Variants in EPS15 observed in about 807,000 individuals in gnomAD.
EPS15 encodes epidermal growth factor receptor substrate 15.
A neutral mutation model predicts 113.8 loss-of-function variants in EPS15; 72 were observed. The observed-to-expected ratio is 0.63, with a 90% CI of 0.52 to 0.77. The LOEUF (loss-of-function observed/expected upper bound fraction) is 0.77, where lower values mean the gene tolerates loss of function less well. Ranked by LOEUF, EPS15 falls within the 30% of genes least tolerant of loss-of-function variation. The pLI, the probability that EPS15 is intolerant of heterozygous loss-of-function variation, is 0.00. For missense variants in EPS15, 1,048 were observed against 1,045.8 expected, an observed-to-expected ratio of 1.00 and a Z score of -0.03; for synonymous variants, 344 against 363.4, an observed-to-expected ratio of 0.95 and a Z score of 0.61.
At chr1:51,366,071 C>T (rs1229595327) in intron 21 of EPS15, 42 bp from the exon 22 acceptor site, 1 of 1,397,326 alleles carries the variant, frequency 7.2e-7, no homozygotes. Context: ...GACAGTAAGA[C>T]ATTTTTTTTT....
In EPS15 at chr1:51,369,657, A is replaced by T. The variant is rs567342741; in HGVS notation, c.2120-3628T>A. Among the ~76,000 whole-genome samples the T allele has an allele frequency of 2.0e-5, 3 of 152,300 alleles. No homozygotes were observed. In the South Asian group the frequency reaches 6.2e-4, roughly 32 times the overall value. On this transcript the variant is annotated intron_variant, in intron 21 of 24. Coordinates refer to ENST00000371733, the MANE Select transcript of EPS15 (RefSeq NM_001981.3). ...CTGGTATTTTTTTCTTACATATTTG[A>T]GATCATGCTATGCTGATACGGTTTT...
chr1:51,400,734 A>C (rs1330115668), intron 19 of EPS15, among the ~76,000 whole-genome samples, 184 bp downstream of exon 19: 2 of 143,450 alleles, frequency 1.4e-5, no homozygotes, highest in East Asian at 3.9e-4. Flanking sequence ...AAAAAAAAAA[A>C]AGAAGAAGTA....
Position 51,517,923 on chromosome 1 carries a change from C to T in EPS15, c.33+1276G>A, listed in dbSNP as rs533585781. ...CAGTGCTAGGCAAAGCACCCCAAAG[C>T]CTCTTGATTTTAAACACAGAAAACT... is the stretch of plus-strand genomic sequence containing the variant. On this transcript the variant is annotated intron_variant, in intron 1 of 24. Transcript: ENST00000371733. Among the ~76,000 whole-genome samples the T allele has an allele frequency of 5.0e-4, 76 of 152,264 alleles. 1 individual carries two copies. In the South Asian group the frequency reaches 9.7e-3, roughly 20 times the overall value.
At position 51,408,406 on chromosome 1, in the gene EPS15, T is replaced by C. The variant is rs1649344508; in HGVS notation, c.1276-74A>G. 6.4e-5 allele frequency: 68 copies of C among 1,070,112 alleles called. No homozygotes were observed. The South Asian group carries it at 8.4e-4, about 13-fold the overall frequency. 66.3% of individuals were successfully genotyped at this position (1,070,112 alleles called of 1,614,324 possible). ...GTCATTAAAATGTTCCAAAATGCAA[T>C]ACATTTATTTGTTTAGTTTACTATT... On this transcript the variant is annotated intron_variant, in intron 14 of 24. Transcript: ENST00000371733.
intron 1 of EPS15, among the ~76,000 whole-genome samples, chr1:51,485,467 C>T (rs796491550): frequency 6.6e-6 from 1 of 152,048 alleles, no homozygotes; most frequent in South Asian, 2.1e-4. Context: ...ATGGCGCACA[C>T]CTGTAGTCCC....
chr1:51,463,613 C>A, intron 7 of EPS15, 60 bp downstream of exon 7: 1 of 941,920 alleles, frequency 1.1e-6, no homozygotes, highest in East Asian at 2.6e-5. Context: ...ATGCTCCTGG[C>A]ATAATAGATA....
intron 15 of EPS15, among the ~76,000 whole-genome samples, chr1:51,407,194 T>C (rs920928786): frequency 4.6e-5 from 7 of 152,102 alleles, no homozygotes; most frequent in Non-Finnish European, 1.0e-4. Context: ...TTCTATCCTT[T>C]TTTTTTTAGT....
At chr1:51,434,968 G>A (rs1184815634) in intron 12 of EPS15, among the ~76,000 whole-genome samples, 1 of 151,870 alleles carries the variant, frequency 6.6e-6, no homozygotes, top group African/African-American at 2.4e-5. Context: ...CACTGTGCCT[G>A]GCCATGTGAA....
chr1:51,401,450 A>G (rs1648541428), intron 18 of EPS15, among the ~76,000 whole-genome samples: 2 of 152,314 alleles, frequency 1.3e-5, no homozygotes, highest in South Asian at 4.1e-4. Context: ...CTCGACCTCT[A>G]TCTCACATCA....
intron 24 of EPS15, among the ~76,000 whole-genome samples, chr1:51,360,577 C>T (rs1646360417): frequency 6.6e-6 from 1 of 152,064 alleles, no homozygotes; most frequent in South Asian, 2.1e-4. Context: ...TAGGGCCCTC[C>T]AAATAAAGAT....
Position 51,470,478 on chromosome 1 carries a change from C to T in EPS15, c.213+1212G>A, listed in dbSNP as rs192141577. 2.1e-3 allele frequency among the ~76,000 whole-genome samples: 313 copies of T among 151,958 alleles called. 3 individuals are homozygous for T. Among genetic ancestry groups the T allele is most frequent in the African/African-American group, 7.3e-3 (303 of 41,480 alleles). ...TGGCCAATATAGTGAAACCCCATCT[C>T]TACTAAAAATACAAAAAAACTAGCC... On this transcript the variant is annotated intron_variant, in intron 4 of 24. Transcript: ENST00000371733.
At chr1:51,384,197 G>C (rs1647004212) in intron 21 of EPS15, among the ~76,000 whole-genome samples, 1 of 151,544 alleles carries the variant, frequency 6.6e-6, no homozygotes, top group African/African-American at 2.4e-5. Context: ...AAATCCTAAT[G>C]ACTTTTTCTT....
chr1:51,487,756 A>G (rs942462716), intron 1 of EPS15, among the ~76,000 whole-genome samples: 3 of 152,218 alleles, frequency 2.0e-5, no homozygotes, highest in East Asian at 1.9e-4. Flanking sequence ...TTAGCTCACC[A>G]AAGTGTTCTA....
At position 51,406,026 on chromosome 1, in the gene EPS15, A is replaced by G; in HGVS notation, c.1556T>C (p.Leu519Pro). The G allele has an allele frequency of 6.2e-7, 1 of 1,614,194 alleles. No homozygotes were observed. Among genetic ancestry groups the G allele is most frequent in the Admixed American group, 1.7e-5 (1 of 60,024 alleles). The change falls in exon 16 of 25, where the codon CTT becomes CCT. Residue 519 changes from leucine to proline, a missense_variant. Transcript: ENST00000371733. Reference protein sequence around the residue: ...LNWCSSPHSILVNGATDYCSL... With the variant: ...LNWCSSPHSIPVNGATDYCSL... ...GCAATAATCTGTAGCTCCGTTTACAAGAATGCTGTGTGGGCTACTGCACCA... is the reference window on the plus strand; with the variant it reads ...GCAATAATCTGTAGCTCCGTTTACAGGAATGCTGTGTGGGCTACTGCACCA...
intron 1 of EPS15, among the ~76,000 whole-genome samples, chr1:51,518,738 G>A (rs1178902812): frequency 1.3e-5 from 2 of 152,046 alleles, no homozygotes; most frequent in African/African-American, 2.4e-5. Context: ...CTCCTACTGG[G>A]GGCGGCGCGC....
chr1:51,370,431 G>A (rs1646618396), intron 21 of EPS15, among the ~76,000 whole-genome samples: 1 of 152,018 alleles, frequency 6.6e-6, no homozygotes, highest in Non-Finnish European at 1.5e-5. Context: ...AACCAAAAAT[G>A]CTCCAATAAG....
intron 1 of EPS15, among the ~76,000 whole-genome samples, chr1:51,497,792 C>T (rs913874304): frequency 4.6e-5 from 7 of 152,040 alleles, no homozygotes. Flanking sequence ...TCCTGGCCAA[C>T]ATGGTGAAAC....
chr1:51,514,603 T>G (rs2148570614), intron 1 of EPS15, among the ~76,000 whole-genome samples: 1 of 152,312 alleles, frequency 6.6e-6, no homozygotes, highest in Middle Eastern at 3.4e-3. Context: ...ATTGCAGAGA[T>G]TCTGAACTAT....
chr1:51,402,278 C>A (rs1347161799), intron 18 of EPS15, among the ~76,000 whole-genome samples, 157 bp downstream of exon 18: 1 of 152,058 alleles, frequency 6.6e-6, no homozygotes, highest in Non-Finnish European at 1.5e-5. Context: ...ACCCAGGAGG[C>A]GGAGGTTGCA....
Sources: gnomAD v4.1 joint callset for allele counts (sites outside exome capture counted in the v4.1 genomes callset) on GRCh38, gnomAD v4.1.1 for gene constraint, MANE v1.5 for transcripts, NCBI Gene and HGNC (gene_info 2026-07-23, HGNC 2026-07-21) for gene names.